Variants in PRDM7 observed in about 807,000 individuals in gnomAD.
The protein encoded by PRDM7 is histone-lysine N-methyltransferase PRDM7.
In PRDM7, 52 loss-of-function variants were observed where a neutral mutation model predicts 64.3. The ratio of observed to expected loss-of-function variants is 0.81; its 90% CI spans 0.65 to 1.02. The LOEUF (loss-of-function observed/expected upper bound fraction) is 1.02, where lower values mean the gene tolerates loss of function less well. Among genes scored for constraint, PRDM7 ranks in the 50% least tolerant of loss-of-function variants. The probability of loss-of-function intolerance (pLI) is 0.00; values close to 1 mark genes in which losing one functional copy is unlikely to be tolerated. For synonymous variants in PRDM7, 192 were observed against 210.1 expected, an observed-to-expected ratio of 0.91 and a Z score of 0.74; for missense variants, 574 against 597.1, an observed-to-expected ratio of 0.96 and a Z score of 0.40.
intron 4 of PRDM7, among the ~76,000 whole-genome samples, chr16:90,067,218 G>A (rs2037889133): frequency 1.3e-5 from 2 of 150,982 alleles, no homozygotes; most frequent in African/African-American, 4.9e-5. Context: ...CACCTGCCTC[G>A]GACTCCCAAA....
chr16:90,060,887 A>G (rs2037765113), intron 9 of PRDM7, among the ~76,000 whole-genome samples: 1 of 152,188 alleles, frequency 6.6e-6, no homozygotes, highest in East Asian at 1.9e-4. Context: ...AGCTCACATC[A>G]TTCTACACTC....
chr16:90,075,731 C>A lies in PRDM7; in HGVS notation c.69+111G>T. ...ATGTCCTGGCCAGGACCAGCTGCCC[C>A]CATTCCATGCACATTCAGACAGAGT... is the stretch of plus-strand genomic sequence containing the variant. On this transcript the variant is annotated intron_variant, in intron 2 of 10. Coordinates refer to ENST00000449207, the MANE Select transcript of PRDM7 (RefSeq NM_001098173.2). The surrounding 1 kb of genome is among the most constrained non-coding windows in gnomAD (Gnocchi z 4.3). The A allele has an allele frequency of 1.9e-5, 27 of 1,414,278 alleles. No homozygotes were observed. The highest frequency in any genetic ancestry group is 2.6e-5 in the Non-Finnish European group (27 of 1,020,818). The allele number at this position is 1,414,278 out of a possible 1,614,324, so 87.6% of individuals were successfully genotyped here.
chr16:90,063,583 G>A (rs573675242), intron 6 of PRDM7, 29 bp downstream of exon 6: 1 of 1,609,566 alleles, frequency 6.2e-7, no homozygotes. Context: ...GACATAGAGG[G>A]ACTAAATTCC....
intron 7 of PRDM7, 99 bp downstream of exon 7, chr16:90,062,302 A>C: frequency 6.2e-7 from 1 of 1,613,610 alleles, no homozygotes; most frequent in African/African-American, 1.3e-5. Context: ...CCTGTACTTT[A>C]ATTCATTCGA....
In PRDM7 at chr16:90,060,389, C is replaced by T; in HGVS notation, c.1185G>A (p.Trp395Ter). 1.2e-6 allele frequency: 2 copies of T among 1,613,890 alleles called. No individual in the cohort carries two copies. Among genetic ancestry groups the T allele is most frequent in the Admixed American group, 3.3e-5 (2 of 60,004 alleles). The change falls in exon 10 of 11, where the codon TGG becomes TGA. Residue 395 changes from tryptophan to a stop codon, truncating the protein, a stop_gained. Transcript: ENST00000449207. LOFTEE classifies it high-confidence loss of function. The stretch of plus-strand genomic sequence containing the variant: ...TTCCACTTGCTGCCCCACTTGATGC[C>T]CAGTTCCTGGCCATACTCATCCCCA... Reference protein sequence around the residue: ...SGMGMSMARNWASSGAASGRK... With the variant: ...SGMGMSMARN
At chr16:90,069,131 A>G (rs1376479993) in intron 4 of PRDM7, among the ~76,000 whole-genome samples, 1 of 151,364 alleles carries the variant, frequency 6.6e-6, no homozygotes, top group African/African-American at 2.5e-5. Context: ...TACAGTAATC[A>G]GAAAAGTATG....
chr16:90,072,882 T>TC (rs1419319416), intron 4 of PRDM7, among the ~76,000 whole-genome samples: 2 of 152,210 alleles, frequency 1.3e-5, no homozygotes, highest in Admixed American at 6.5e-5. Context: ...AACGCTGGCC[T>TC]TTCATTCCTC....
chr16:90,073,447 C>T (rs546344784), intron 4 of PRDM7, among the ~76,000 whole-genome samples: 8 of 150,984 alleles, frequency 5.3e-5, no homozygotes, highest in South Asian at 2.1e-4. Context: ...TCGCCCAGGC[C>T]GGAGTGCAGT....
chr16:90,058,590 T>G (rs1433283633), intron 10 of PRDM7, 56 bp from the exon 11 acceptor site: 1 of 1,547,180 alleles, frequency 6.5e-7, no homozygotes, highest in Non-Finnish European at 8.9e-7. Context: ...TTACTACATA[T>G]GAAGGTATGA....
chr16:90,075,897 C>G lies in PRDM7; in HGVS notation c.14G>C (p.Arg5Thr). The G allele has an allele frequency of 6.2e-7, 1 of 1,613,976 alleles. No homozygotes were observed. Among genetic ancestry groups the G allele is most frequent in the South Asian group, 1.1e-5 (1 of 91,016 alleles). ...TCCTTCTGGGCTCTCCTCTTGGGAC[C>G]TTTCAGGGCTCATGGTGCTGGGACT... MSPE[R>T]SQEESPEGDT... Residue 5 changes from arginine to threonine, a missense_variant, in exon 2 of 11, where the codon AGG becomes ACG. Transcript: ENST00000449207. This position sits in a 1 kb window ranked among gnomAD's most constrained non-coding sequence, Gnocchi z 4.3.
intron 4 of PRDM7, among the ~76,000 whole-genome samples, chr16:90,068,410 G>A (rs934640037): frequency 6.6e-6 from 1 of 151,128 alleles, no homozygotes; most frequent in Non-Finnish European, 1.5e-5. Context: ...CAGAGGTGGG[G>A]GGATCACGAG....
Position 90,060,598 on chromosome 16 carries a change from C to G in PRDM7, c.976G>C (p.Glu326Gln). Residue 326 changes from glutamate to glutamine, a missense_variant, in exon 10 of 11, where the codon GAA becomes CAA. By Grantham distance (29) the Glu-to-Gln change is conservative. Coordinates refer to ENST00000449207, the MANE Select transcript of PRDM7 (RefSeq NM_001098173.2). ...MRYVNCARDD[E>Q]EQNLVAFQYH... ...TGGAAGGCCACCAGGTTCTGCTCTTCATCATCCCGGGCACAGTTCACATAC... is the reference window on the plus strand; with the variant it reads ...TGGAAGGCCACCAGGTTCTGCTCTTGATCATCCCGGGCACAGTTCACATAC... 1 of 1,614,138 alleles carries G rather than the reference C, an allele frequency of 6.2e-7. No individual in the cohort carries two copies. Among genetic ancestry groups the G allele is most frequent in the Non-Finnish European group, 8.5e-7 (1 of 1,180,008 alleles).
rs2038031448 is a variant in PRDM7 at position 90,075,965 on chromosome 16, CT to C, written c.-56del. The C allele has an allele frequency of 4.4e-6, 7 of 1,577,380 alleles. No homozygotes were observed. The highest frequency in any genetic ancestry group is 6.1e-6 in the Non-Finnish European group (7 of 1,155,490). ...CCAATTCTGAGTGTGGGAAGGGCCC[CT>C]GAGTCTCCCAGCTCCTAGGCCAAAG... On this transcript the variant is annotated 5_prime_UTR_variant, in exon 2 of 11. Coordinates refer to ENST00000449207, the MANE Select transcript of PRDM7 (RefSeq NM_001098173.2). The surrounding 1 kb of genome is among the most constrained non-coding windows in gnomAD (Gnocchi z 4.3).
rs2151306524 is a variant in PRDM7 at position 90,062,001 on chromosome 16, G to A, written c.802C>T (p.Pro268Ser). 6.2e-7 allele frequency: 1 copy of A among 1,614,246 alleles called. No homozygotes were observed. Among genetic ancestry groups the A allele is most frequent in the Non-Finnish European group, 8.5e-7 (1 of 1,180,046 alleles). The change falls in exon 8 of 11, where the codon CCA becomes TCA. Residue 268 changes from proline (P) to serine (S), a missense_variant. Coordinates refer to ENST00000449207, the MANE Select transcript of PRDM7 (RefSeq NM_001098173.2). ...LGVWNEASDL[P>S]LGLHFGPYEG... ...TAGGGGCCAAAGTGCAGACCCAGTG[G>A]CAGATCAGATGCCTCGTTCCATACT...
chr16:90,076,794 A>G (rs1418481757), intron 1 of PRDM7, among the ~76,000 whole-genome samples: 1 of 151,930 alleles, frequency 6.6e-6, no homozygotes, highest in African/African-American at 2.4e-5. Flanking sequence ...TCTCGGGTAA[A>G]GGAGATTTGG....
chr16:90,062,579 C>G, intron 6 of PRDM7, 77 bp from the exon 7 acceptor site: 1 of 1,235,654 alleles, frequency 8.1e-7, no homozygotes, highest in Middle Eastern at 2.0e-4. Flanking sequence ...AATGTGAAAT[C>G]TCCTACCATC....
rs2038030498 is a variant in PRDM7 at position 90,075,901 on chromosome 16, C to A, written c.10G>T (p.Glu4Ter). The change falls in exon 2 of 11, where the codon GAA becomes TAA. Residue 4 changes from glutamate to a stop codon, truncating the protein, a stop_gained. Transcript: ENST00000449207. LOFTEE classifies it high-confidence loss of function. The surrounding 1 kb of genome is among the most constrained non-coding windows in gnomAD (Gnocchi z 4.3). MSP[E>*]RSQEESPEGD... The stretch of plus-strand genomic sequence containing the variant: ...TCTGGGCTCTCCTCTTGGGACCTTT[C>A]AGGGCTCATGGTGCTGGGACTGTCT... 13 of 1,613,904 alleles carry A rather than the reference C, an allele frequency of 8.1e-6. No homozygotes were observed. In the East Asian group the frequency reaches 2.9e-4, roughly 36 times the overall value.
At chr16:90,062,224 T>C (rs1225247674) in intron 7 of PRDM7, 32 bp from the exon 8 acceptor site, 3 of 1,614,240 alleles carry the variant, frequency 1.9e-6, no homozygotes, top group Non-Finnish European at 2.5e-6. Context: ...ATTAGGAAAG[T>C]TGTAATGCAT....
intron 5 of PRDM7, among the ~76,000 whole-genome samples, chr16:90,066,438 C>G (rs2037873775): frequency 6.6e-6 from 1 of 151,170 alleles, no homozygotes; most frequent in Non-Finnish European, 1.5e-5. Context: ...AACTATGAAA[C>G]TTTTAATGAT....
Sources: allele counts gnomAD v4.1 joint callset (sites outside exome capture counted in the v4.1 genomes callset), GRCh38; gene constraint gnomAD v4.1.1; non-coding constraint Gnocchi (gnomAD v3.1); transcripts MANE v1.5; gene names NCBI Gene and HGNC (gene_info 2026-07-23, HGNC 2026-07-21).